The following CNKSR1 variants were observed in gnomAD, a reference collection of about 807,000 sequenced individuals.
The protein encoded by CNKSR1 is connector enhancer of kinase suppressor of Ras 1, also known as CNK homolog protein 1.
CNKSR1 carries 88 observed loss-of-function variants against 95.6 expected under a neutral mutation model. That is an observed-to-expected ratio of 0.92 (90% CI 0.78 to 1.10). The LOEUF is 1.10. CNKSR1 is among the 50% of genes least tolerant of loss of function. The probability of loss-of-function intolerance (pLI) is 0.00; values close to 1 mark genes in which losing one functional copy is unlikely to be tolerated. For missense variants in CNKSR1, 836 were observed against 912.0 expected, an observed-to-expected ratio of 0.92 and a Z score of 1.07; for synonymous variants, 355 against 369.7, an observed-to-expected ratio of 0.96 and a Z score of 0.46.
Position 26,181,034 on chromosome 1 carries a change from C to A in CNKSR1, c.392+138C>A, listed in dbSNP as rs890245248. ...GTGGCTTAGGTCTGTAATCCCAGCA[C>A]TTTGGGAGGCCGAAGCGGGCAGATC... On this transcript the variant is annotated intron_variant, in intron 3 of 20. Coordinates refer to ENST00000361530, the MANE Select transcript of CNKSR1 (RefSeq NM_006314.3). 12 of 1,061,390 alleles carry A rather than the reference C, an allele frequency of 1.1e-5. No homozygotes were observed. The African/African-American group carries it at 1.7e-4, about 15-fold the overall frequency. 65.7% of individuals were successfully genotyped at this position (1,061,390 alleles called of 1,614,324 possible).
rs1369578096 is a variant in CNKSR1 at position 26,187,218 on chromosome 1, T to C, written c.1359T>C (p.Ser453=). 2.5e-6 allele frequency: 4 copies of C among 1,613,746 alleles called. No individual in the cohort carries two copies. The highest frequency in any genetic ancestry group is 1.1e-5 in the South Asian group (1 of 91,074). ...LINVSNYSLE[S]GHDQKKKYVF... is the part of the protein sequence containing the mutation. ...ATGTCTCCAACTATAGTCTGGAAAGTGGACATGATCAGAAGAAGAAATAGT... is the reference window on the plus strand; with the variant it reads ...ATGTCTCCAACTATAGTCTGGAAAGCGGACATGATCAGAAGAAGAAATAGT... The change falls in exon 15 of 21, where the codon AGT becomes AGC. Residue 453 remains serine (S), a synonymous_variant. Transcript: ENST00000361530.
At chr1:26,183,637 TGA>T in intron 8 of CNKSR1, 90 bp from the exon 9 acceptor site, 1 of 1,113,902 alleles carries the variant, frequency 9.0e-7, no homozygotes, top group Non-Finnish European at 1.4e-6. Context: ...AGTGGGAGGC[TGA>T]GAGAGAGCTC....
Position 26,182,046 on chromosome 1 carries a change from A to C in CNKSR1, c.477+105A>C. The C allele has an allele frequency of 3.5e-6, 4 of 1,138,540 alleles. No individual in the cohort carries two copies. In the South Asian group the frequency reaches 5.0e-5, roughly 14 times the overall value. The allele number at this position is 1,138,540 out of a possible 1,614,324, so 70.5% of individuals were successfully genotyped here. ...CCCAGGATCGAGTATGAGGATTGAGACGGGCGAGAAAGGAGGAGAGGAGGC... is the reference window on the plus strand; with the variant it reads ...CCCAGGATCGAGTATGAGGATTGAGCCGGGCGAGAAAGGAGGAGAGGAGGC... On this transcript the variant is annotated intron_variant, in intron 4 of 20. Coordinates refer to ENST00000361530, the MANE Select transcript of CNKSR1 (RefSeq NM_006314.3).
At chr1:26,180,268 C>G in intron 1 of CNKSR1, 185 bp from the exon 2 acceptor site, 1 of 701,794 alleles carries the variant, frequency 1.4e-6, no homozygotes, top group Non-Finnish European at 2.4e-6. Context: ...TTTTAAGAAC[C>G]CATGTCCTAT....
intron 15 of CNKSR1, 29 bp downstream of exon 15, chr1:26,187,270 G>T (rs2088772481): frequency 6.2e-7 from 1 of 1,602,814 alleles, no homozygotes; most frequent in African/African-American, 1.3e-5. Context: ...ATGGGCTGGG[G>T]GATGGAGACA....
rs753261915 is a variant in CNKSR1 at position 26,188,804 on chromosome 1, C to T, written c.1723C>T (p.Arg575Trp). 2.0e-5 allele frequency: 33 copies of T among 1,612,250 alleles called. No homozygotes were observed. Among genetic ancestry groups the T allele is most frequent in the African/African-American group, 2.7e-5 (2 of 74,818 alleles). The change falls in exon 20 of 21, where the codon CGG becomes TGG. Residue 575 changes from arginine to tryptophan, a missense_variant. Arg to Trp is a moderately radical substitution (Grantham distance 101, BLOSUM62 -3). Coordinates refer to ENST00000361530, the MANE Select transcript of CNKSR1 (RefSeq NM_006314.3). ...SSEEALEGMV[R>W]GLRQGGVSLL... Reference sequence around the variant, plus strand: ...TGAAGAGGCACTGGAAGGAATGGTACGGGGGCTGAGGCAGGGTGGCGTGTC... The same window carrying T: ...TGAAGAGGCACTGGAAGGAATGGTATGGGGGCTGAGGCAGGGTGGCGTGTC...
chr1:26,185,211 G>T (rs2088728579), intron 14 of CNKSR1, 25 bp downstream of exon 14: 4 of 1,549,550 alleles, frequency 2.6e-6, no homozygotes, highest in Non-Finnish European at 3.5e-6. Flanking sequence ...ACAAAAACAG[G>T]TAGGCAAGTG....
intron 16 of CNKSR1, among the ~76,000 whole-genome samples, 194 bp downstream of exon 16, chr1:26,187,676 G>A (rs963549472): frequency 6.9e-6 from 1 of 144,810 alleles, no homozygotes; most frequent in African/African-American, 2.6e-5. Context: ...AGGCTGGAGT[G>A]CAGTGGCGTG....
At chr1:26,181,013 CT>C in intron 3 of CNKSR1, 117 bp downstream of exon 3, 2 of 1,316,876 alleles carry the variant, frequency 1.5e-6, no homozygotes, top group Non-Finnish European at 2.2e-6. Flanking sequence ...GGCGTGGTGG[CT>C]TAGGTCTGTA....
rs1228578354 is a variant in CNKSR1 at position 26,189,598 on chromosome 1, C to T, written c.*50C>T. On this transcript the variant is annotated 3_prime_UTR_variant, in exon 21 of 21. Coordinates refer to ENST00000361530, the MANE Select transcript of CNKSR1 (RefSeq NM_006314.3). ...ACCTTTGACCCGAGGGCCACCTCAA[C>T]CCCAGCTTCTGACGTGTCCAGGACA... 1 of 925,072 alleles carries T rather than the reference C, an allele frequency of 1.1e-6. No homozygotes were observed. Among genetic ancestry groups the T allele is most frequent in the Non-Finnish European group, 1.8e-6 (1 of 550,314 alleles). The allele number at this position is 925,072 out of a possible 1,614,324, so 57.3% of individuals were successfully genotyped here. A position where few individuals can be genotyped will look rare whatever the true frequency, so the allele number is the denominator to read the frequency against.
chr1:26,177,509 G>T lies in CNKSR1; in HGVS notation c.-39G>T, dbSNP rs1325175791. On this transcript the variant is annotated 5_prime_UTR_variant, in exon 1 of 21. Coordinates refer to ENST00000361530, the MANE Select transcript of CNKSR1 (RefSeq NM_006314.3). ...GGAGCGGAAATTCCGGCGACAGCAG[G>T]GCAAAACAGGAGCTGATTCGAGCTG... The T allele has an allele frequency of 6.2e-7, 1 of 1,613,128 alleles. No homozygotes were observed. Among genetic ancestry groups the T allele is most frequent in the East Asian group, 2.2e-5 (1 of 44,880 alleles).
At chr1:26,188,986 C>G (rs199702240) in intron 20 of CNKSR1, 33 bp downstream of exon 20, 66 of 1,609,136 alleles carry the variant, frequency 4.1e-5, no homozygotes, top group Non-Finnish European at 5.4e-5. Flanking sequence ...CAGCAAGGGA[C>G]TAGGCTCTGG....
At position 26,187,404 on chromosome 1, in the gene CNKSR1, C is replaced by G; in HGVS notation, c.1383-7C>G. ...AGGCTGAGTGATGCTCCTCCACTAC[C>G]TGGCAGTGTGTTTCAGCTCACCCAT... On this transcript the variant is annotated splice_polypyrimidine_tract_variant and splice_region_variant and intron_variant, in intron 15 of 20. Transcript: ENST00000361530. The G allele has an allele frequency of 6.2e-7, 1 of 1,614,042 alleles. No homozygotes were observed. Among genetic ancestry groups the G allele is most frequent in the Non-Finnish European group, 8.5e-7 (1 of 1,179,942 alleles).
At chr1:26,189,082 C>T in intron 20 of CNKSR1, 129 bp downstream of exon 20, 1 of 1,311,028 alleles carries the variant, frequency 7.6e-7, no homozygotes, top group East Asian at 2.4e-5. Flanking sequence ...CTGGGCTTAG[C>T]AGCTGACAGC....
Position 26,182,362 on chromosome 1 carries a change from A to G in CNKSR1, c.479A>G (p.Asp160Gly). ...CCTGCTCTCTCATTCTACTTCCAGG[A>G]TGGTCCAGCGGCTGAGAAGGAGGGC... Reference protein sequence around the residue: ...LEELSQVLHEDGPAAEKEGTV... With the variant: ...LEELSQVLHEGGPAAEKEGTV... The change falls in exon 5 of 21, where the codon GAT becomes GGT. Residue 160 changes from aspartate (D) to glycine (G), a missense_variant and splice_region_variant. Physicochemically the swap from Asp to Gly is moderately conservative, Grantham distance 94. Transcript: ENST00000361530. 1 of 1,613,940 alleles carries G rather than the reference A, an allele frequency of 6.2e-7. No homozygotes were observed. Among genetic ancestry groups the G allele is most frequent in the Non-Finnish European group, 8.5e-7 (1 of 1,179,934 alleles).
chr1:26,188,777 A>T lies in CNKSR1; in HGVS notation c.1696A>T (p.Ser566Cys). 6.2e-7 allele frequency: 1 copy of T among 1,609,738 alleles called. No individual in the cohort carries two copies. Among genetic ancestry groups the T allele is most frequent in the Non-Finnish European group, 8.5e-7 (1 of 1,176,940 alleles). Residue 566 changes from serine to cysteine, a missense_variant, in exon 20 of 21, where the codon AGT becomes TGT. By Grantham distance (112) the Ser-to-Cys change is moderately radical (BLOSUM62 -1). Transcript: ENST00000361530. ...RTSFGSLTDS[S>C]EEALEGMVRG... ...CCTGCTCTTCCCTCCCACAGACAGC[A>T]GTGAAGAGGCACTGGAAGGAATGGT...
chr1:26,189,680 C>A lies in CNKSR1; in HGVS notation c.*132C>A, dbSNP rs1304841996. 3 of 770,294 alleles carry A rather than the reference C, an allele frequency of 3.9e-6. No homozygotes were observed. The highest frequency in any genetic ancestry group is 7.2e-6 in the Non-Finnish European group (3 of 417,986). The allele number at this position is 770,294 out of a possible 1,614,324, so 47.7% of individuals were successfully genotyped here. On this transcript the variant is annotated 3_prime_UTR_variant, in exon 21 of 21. Coordinates refer to ENST00000361530, the MANE Select transcript of CNKSR1 (RefSeq NM_006314.3). The stretch of plus-strand genomic sequence containing the variant: ...GTAGTACTGCTAGTCATGGTCTCAC[C>A]CCGAGCTGACCCCTCTGCCTGGGCT...
rs773392883 is a variant in CNKSR1 at position 26,187,225 on chromosome 1, G to T, written c.1366G>T (p.Asp456Tyr). The T allele has an allele frequency of 5.0e-6, 8 of 1,613,840 alleles. No homozygotes were observed. The South Asian group carries it at 8.8e-5, about 18-fold the overall frequency. ...CAACTATAGTCTGGAAAGTGGACAT[G>T]ATCAGAAGAAGAAATAGTTAAGTCT... ...VSNYSLESGH[D>Y]QKKKYVFQLT... Residue 456 changes from aspartate (D) to tyrosine (Y), a missense_variant, in exon 15 of 21, where the codon GAT becomes TAT. Physicochemically the swap from Asp to Tyr is radical, Grantham distance 160 (BLOSUM62 -3). Transcript: ENST00000361530.
intron 14 of CNKSR1, among the ~76,000 whole-genome samples, chr1:26,185,564 T>C (rs1165155711): frequency 6.6e-6 from 1 of 151,950 alleles, no homozygotes; most frequent in East Asian, 1.9e-4. Flanking sequence ...AGCATATTTT[T>C]TGTGTTTTTA....
Sources: allele counts gnomAD v4.1 joint callset (sites outside exome capture counted in the v4.1 genomes callset), GRCh38; gene constraint gnomAD v4.1.1; transcripts MANE v1.5; gene names NCBI Gene and HGNC (gene_info 2026-07-23, HGNC 2026-07-21).